The following CFAP43 variants were observed in gnomAD, a reference collection of about 807,000 sequenced individuals.
The protein encoded by CFAP43 is cilia- and flagella-associated protein 43.
A neutral mutation model predicts 218.9 loss-of-function variants in CFAP43; 155 were observed. The ratio of observed to expected loss-of-function variants is 0.71; its 90% CI spans 0.62 to 0.81. The LOEUF (loss-of-function observed/expected upper bound fraction) is 0.81. Ranked by LOEUF, CFAP43 falls within the 30% of genes least tolerant of loss-of-function variation. The pLI is 0.00. For missense variants in CFAP43, 1,778 were observed against 1,954.3 expected (o/e 0.91, Z 1.70); for synonymous variants, 645 against 681.3 (o/e 0.95, Z 0.83).
intron 23 of CFAP43, among the ~76,000 whole-genome samples, chr10:104,166,143 G>A (rs933319596): frequency 1.3e-5 from 2 of 152,036 alleles, no homozygotes; most frequent in South Asian, 2.1e-4. Context: ...GCATGATCTC[G>A]GCTCACTGCA....
intron 2 of CFAP43, among the ~76,000 whole-genome samples, chr10:104,229,240 C>T (rs186157539): frequency 8.5e-5 from 13 of 152,292 alleles, no homozygotes; most frequent in Middle Eastern, 3.4e-3. Flanking sequence ...CTTAAGACTA[C>T]AGAGCTAAGT....
At chr10:104,205,920 A>T in intron 7 of CFAP43, 43 bp downstream of exon 7, 3 of 1,537,584 alleles carry the variant, frequency 2.0e-6, no homozygotes, top group South Asian at 2.4e-5. Context: ...GGGAATTGTG[A>T]ATTTTCTTTA....
chr10:104,192,021 A>T (rs1202747497), intron 12 of CFAP43, among the ~76,000 whole-genome samples, 178 bp downstream of exon 12: 2 of 152,212 alleles, frequency 1.3e-5, no homozygotes, highest in Non-Finnish European at 2.9e-5. Context: ...AATATTCCAA[A>T]TACATCAAAA....
At position 104,132,207 on chromosome 10, in the gene CFAP43, A is replaced by T. The variant is rs77409100; in HGVS notation, c.4597-11T>A. On this transcript the variant is annotated splice_polypyrimidine_tract_variant and intron_variant, in intron 35 of 37. Coordinates refer to ENST00000357060, the MANE Select transcript of CFAP43 (RefSeq NM_025145.7). ...TGGTTCATTTAGGTACTTTGAGATT[A>T]AAAAAAAACATGTAAGGATATTTTT... is the stretch of plus-strand genomic sequence containing the variant. 2.1e-6 allele frequency: 3 copies of T among 1,456,908 alleles called. No individual in the cohort carries two copies. Among genetic ancestry groups the T allele is most frequent in the South Asian group, 1.3e-5 (1 of 75,844 alleles). The allele number at this position is 1,456,908 out of a possible 1,614,324, so 90.2% of individuals were successfully genotyped here. A position where few individuals can be genotyped will look rare whatever the true frequency, so the allele number is the denominator to read the frequency against.
Position 104,172,496 on chromosome 10 carries a change from T to C in CFAP43, c.2500A>G (p.Ile834Val). The C allele has an allele frequency of 6.2e-7, 1 of 1,606,932 alleles. No homozygotes were observed. The highest frequency in any genetic ancestry group is 1.1e-5 in the South Asian group (1 of 88,672). ...AATTCCTGTTGGTCTAATTTTGCAA[T>C]ATTTTCTAGTTTGTCATTTTCTTCC... is the stretch of plus-strand genomic sequence containing the variant. ...MMEENDKLENIAKLDQQEFGL... is the reference protein window; with the variant it reads ...MMEENDKLENVAKLDQQEFGL... Residue 834 changes from isoleucine to valine, a missense_variant, in exon 20 of 38, where the codon ATT becomes GTT. Physicochemically the swap from Ile to Val is conservative, Grantham distance 29. This residue lies in a region of CFAP43 where 1,553 missense variants were observed against 1,685.2 expected (regional missense o/e 0.92). Transcript: ENST00000357060.
At chr10:104,166,150 T>C (rs2089139144) in intron 23 of CFAP43, among the ~76,000 whole-genome samples, 1 of 152,192 alleles carries the variant, frequency 6.6e-6, no homozygotes, top group South Asian at 2.1e-4. Context: ...CTCGGCTCAC[T>C]GCAACCTCCA....
chr10:104,167,529 A>T, intron 22 of CFAP43, 92 bp downstream of exon 22: 1 of 916,638 alleles, frequency 1.1e-6, no homozygotes, highest in Admixed American at 2.8e-5. Context: ...CAATACCTAA[A>T]CTTAAATTAC....
At chr10:104,229,751 T>A (rs687557) in intron 2 of CFAP43, among the ~76,000 whole-genome samples, 71,749 of 152,044 alleles carry the variant, frequency 0.47, 17,900 homozygotes, top group African/African-American at 0.65. Flanking sequence ...ATATTATATA[T>A]TTTCATCTAT....
At chr10:104,191,410 C>CA (rs1396008415) in intron 12 of CFAP43, among the ~76,000 whole-genome samples, 1 of 152,070 alleles carries the variant, frequency 6.6e-6, no homozygotes, top group African/African-American at 2.4e-5. Context: ...TGTCCTATCC[C>CA]ACACCTATGA....
At chr10:104,138,652 G>A (rs537369909) in intron 34 of CFAP43, among the ~76,000 whole-genome samples, 10 of 151,292 alleles carry the variant, frequency 6.6e-5, no homozygotes, top group Non-Finnish European at 1.0e-4. Flanking sequence ...ACCAGCCTGG[G>A]CAATAAGAGC....
In CFAP43 at chr10:104,227,464, C is replaced by G. The variant is rs145492604; in HGVS notation, c.320-1907G>C. ...AATTATGATCATAAAAAAGTTGTGA[C>G]CTTGATAGGCAGAAAAATAGCATCT... On this transcript the variant is annotated intron_variant, in intron 2 of 37. Transcript: ENST00000357060. Among the ~76,000 whole-genome samples, 273 of 152,258 alleles carry G rather than the reference C, an allele frequency of 1.8e-3. 1 individual carries two copies. Among genetic ancestry groups the G allele is most frequent in the African/African-American group, 6.3e-3 (262 of 41,548 alleles).
Position 104,162,381 on chromosome 10 carries a change from T to A in CFAP43, c.3269A>T (p.Lys1090Met), listed in dbSNP as rs1471699007. ...DEEITAHKHI[K>M]PWHKAKELIV... Reference sequence around the variant, plus strand: ...CAATTCTTTGGCTTTGTGCCACGGCTTAATGTGTTTGTGGGCTGTAATCTG... The same window carrying A: ...CAATTCTTTGGCTTTGTGCCACGGCATAATGTGTTTGTGGGCTGTAATCTG... The change falls in exon 25 of 38, where the codon AAG becomes ATG. Residue 1090 changes from lysine to methionine, a missense_variant. Transcript: ENST00000357060. The A allele has an allele frequency of 6.2e-7, 1 of 1,614,096 alleles. No individual in the cohort carries two copies.
intron 2 of CFAP43, among the ~76,000 whole-genome samples, chr10:104,227,548 G>A (rs1037587212): frequency 6.6e-5 from 10 of 151,968 alleles, no homozygotes; most frequent in African/African-American, 2.4e-4. Context: ...TGATGTCTTT[G>A]GTTATTTGGA....
chr10:104,208,012 C>G (rs1220846837), intron 5 of CFAP43, among the ~76,000 whole-genome samples, 188 bp from the exon 6 acceptor site: 9 of 152,134 alleles, frequency 5.9e-5, no homozygotes. Context: ...ATTATTTGTA[C>G]CTTTCATGCC....
At chr10:104,206,494 A>T (rs564198680) in intron 6 of CFAP43, among the ~76,000 whole-genome samples, 226 of 152,280 alleles carry the variant, frequency 1.5e-3, no homozygotes, top group Non-Finnish European at 2.7e-3. Context: ...ATATTAATGG[A>T]GTAGGTAGGA....
At chr10:104,145,106 C>T (rs1235546296) in intron 31 of CFAP43, among the ~76,000 whole-genome samples, 1 of 152,112 alleles carries the variant, frequency 6.6e-6, no homozygotes, top group Admixed American at 6.5e-5. Context: ...CAAGTAGTTC[C>T]GATTTATACA....
Position 104,230,732 on chromosome 10 carries a change from A to G in CFAP43, c.177T>C (p.Thr59=). 1.2e-6 allele frequency: 2 copies of G among 1,614,068 alleles called. No individual in the cohort carries two copies. Among genetic ancestry groups the G allele is most frequent in the Non-Finnish European group, 1.7e-6 (2 of 1,180,002 alleles). ...IFINIETKKK[T]VLQCSNGIVG... The stretch of plus-strand genomic sequence containing the variant: ...CAATTCCATTACTACACTGCAGTAC[A>G]GTCTTTTTCTTGGTTTCAATATTAA... Residue 59 remains threonine, a synonymous_variant, in exon 2 of 38, where the codon ACT becomes ACC. Coordinates refer to ENST00000357060, the MANE Select transcript of CFAP43 (RefSeq NM_025145.7).
intron 18 of CFAP43, among the ~76,000 whole-genome samples, chr10:104,179,629 T>A (rs2089754909): frequency 6.6e-6 from 1 of 152,158 alleles, no homozygotes; most frequent in African/African-American, 2.4e-5. Context: ...CTACGTACAG[T>A]TCTTAAAGCT....
chr10:104,223,876 A>G (rs867711094), intron 3 of CFAP43, among the ~76,000 whole-genome samples: 82 of 152,296 alleles, frequency 5.4e-4, no homozygotes, highest in Middle Eastern at 3.4e-3. Context: ...GATAATTTCA[A>G]AATAATTATG....
Sources: allele counts gnomAD v4.1 joint callset (sites outside exome capture counted in the v4.1 genomes callset), GRCh38; gene constraint gnomAD v4.1.1; regional missense constraint gnomAD v4.1.1; transcripts MANE v1.5; gene names NCBI Gene and HGNC (gene_info 2026-07-23, HGNC 2026-07-21).